The following CTDSPL variants were observed in gnomAD, a reference collection of about 807,000 sequenced individuals.
The protein encoded by CTDSPL is CTD small phosphatase-like protein.
In CTDSPL, 8 loss-of-function variants were observed where a neutral mutation model predicts 30.5. That is an observed-to-expected ratio of 0.26 (90% CI 0.15 to 0.47). The LOEUF is 0.47. Among genes scored for constraint, CTDSPL ranks in the 20% least tolerant of loss-of-function variants. CTDSPL has a pLI of 0.99. For missense variants in CTDSPL, 248 were observed against 366.1 expected (o/e 0.68, Z 2.63); for synonymous variants, 110 against 137.9 (o/e 0.80, Z 1.42).
chr3:37,886,439 C>T (rs1307446499), intron 1 of CTDSPL, among the ~76,000 whole-genome samples: 2 of 152,142 alleles, frequency 1.3e-5, no homozygotes, highest in African/African-American at 2.4e-5. Flanking sequence ...AGGTCCCATA[C>T]CCTACTTTAG....
chr3:37,900,500 T>C (rs1698436819), intron 1 of CTDSPL, among the ~76,000 whole-genome samples: 1 of 152,186 alleles, frequency 6.6e-6, no homozygotes, highest in Non-Finnish European at 1.5e-5. Flanking sequence ...GTGTGACAGG[T>C]TGTGATATTG....
intron 1 of CTDSPL, among the ~76,000 whole-genome samples, chr3:37,931,563 T>G (rs1388888258): frequency 1.3e-5 from 2 of 152,192 alleles, no homozygotes; most frequent in Non-Finnish European, 2.9e-5. Flanking sequence ...TTTCTATTTA[T>G]CTTACAGTTC....
At chr3:37,927,260 A>G (rs1698791018) in intron 1 of CTDSPL, among the ~76,000 whole-genome samples, 1 of 152,234 alleles carries the variant, frequency 6.6e-6, no homozygotes, top group African/African-American at 2.4e-5. Context: ...AGGTGCTCAA[A>G]GATGGTGGGT....
At chr3:37,902,694 C>T (rs759029083) in intron 1 of CTDSPL, among the ~76,000 whole-genome samples, 2 of 152,122 alleles carry the variant, frequency 1.3e-5, no homozygotes, top group Non-Finnish European at 2.9e-5. Flanking sequence ...TCAAACCCCC[C>T]ACAAGGAGGC....
chr3:37,862,301 G>A lies in CTDSPL; in HGVS notation c.79+23G>A, dbSNP rs1468604503. 2.0e-6 allele frequency: 3 copies of A among 1,475,234 alleles called. No homozygotes were observed. Among genetic ancestry groups the A allele is most frequent in the Non-Finnish European group, 2.7e-6 (3 of 1,115,470 alleles). The allele number at this position is 1,475,234 out of a possible 1,614,324, so 91.4% of individuals were successfully genotyped here. On this transcript the variant is annotated intron_variant, in intron 1 of 7. Transcript: ENST00000273179. The surrounding 1 kb of genome is among the most constrained non-coding windows in gnomAD (Gnocchi z 4.3). ...AAGGTGAGGAGGGGCGCAGGCGGCC[G>A]CGGGCTGGGGGCGAGCGCACACCCC...
intron 1 of CTDSPL, among the ~76,000 whole-genome samples, chr3:37,906,587 G>C (rs1339268549): frequency 1.3e-5 from 2 of 152,148 alleles, no homozygotes; most frequent in African/African-American, 4.8e-5. Context: ...TCCCTGAATG[G>C]TTCCCCAAGG....
chr3:37,911,824 CA>C, intron 1 of CTDSPL: 1 of 422,294 alleles, frequency 2.4e-6, no homozygotes, highest in Non-Finnish European at 4.9e-6. Flanking sequence ...TTTGGGAGGC[CA>C]AGGTGGGTGG....
intron 1 of CTDSPL, among the ~76,000 whole-genome samples, chr3:37,864,944 C>A (rs1164156086): frequency 6.6e-6 from 1 of 152,018 alleles, no homozygotes; most frequent in Non-Finnish European, 1.5e-5. Context: ...CCTGAGGGTT[C>A]AAAGAGATGA....
intron 1 of CTDSPL, among the ~76,000 whole-genome samples, chr3:37,885,644 A>G (rs1011997982): frequency 1.3e-5 from 2 of 152,140 alleles, no homozygotes; most frequent in African/African-American, 4.8e-5. Context: ...TTGCAGTACC[A>G]GAGACTGGCA....
intron 1 of CTDSPL, among the ~76,000 whole-genome samples, chr3:37,876,452 T>G (rs1344002714): frequency 6.6e-6 from 1 of 152,224 alleles, no homozygotes; most frequent in African/African-American, 2.4e-5. Context: ...ATACTTCTAG[T>G]TGATGTGCAT....
At chr3:37,899,389 T>C (rs1698423855) in intron 1 of CTDSPL, among the ~76,000 whole-genome samples, 1 of 152,142 alleles carries the variant, frequency 6.6e-6, no homozygotes, top group Non-Finnish European at 1.5e-5. Flanking sequence ...CATGCTGCAG[T>C]CTGTAGCACA....
At chr3:37,879,281 C>G (rs568829468) in intron 1 of CTDSPL, among the ~76,000 whole-genome samples, 2 of 152,160 alleles carry the variant, frequency 1.3e-5, no homozygotes, top group Non-Finnish European at 2.9e-5. Context: ...GGCCAGAGTC[C>G]CAGAGTTGGC....
At chr3:37,911,621 GT>G in intron 1 of CTDSPL, 1 of 452,948 alleles carries the variant, frequency 2.2e-6, no homozygotes, top group Non-Finnish European at 4.5e-6. Flanking sequence ...AGGGATTTTT[GT>G]TGGAGAAAAA....
At position 37,868,645 on chromosome 3, in the gene CTDSPL, T is replaced by G. The variant is rs1390900050; in HGVS notation, c.79+6367T>G. 2.0e-5 allele frequency among the ~76,000 whole-genome samples: 3 copies of G among 152,112 alleles called. No homozygotes were observed. The East Asian group carries it at 5.8e-4, about 29-fold the overall frequency. ...AGTGTCTGGTTGCTTCAGCTACATT[T>G]GTTGAAAAAGTTATCTGTCCTTCCT... On this transcript the variant is annotated intron_variant, in intron 1 of 7. Coordinates refer to ENST00000273179, the MANE Select transcript of CTDSPL (RefSeq NM_001008392.2).
chr3:37,928,302 C>T (rs1698808733), intron 1 of CTDSPL, among the ~76,000 whole-genome samples: 1 of 152,192 alleles, frequency 6.6e-6, no homozygotes, highest in Non-Finnish European at 1.5e-5. Context: ...GCAGAAACTC[C>T]ATACTGTTTT....
chr3:37,976,317 G>A (rs1243100483), intron 7 of CTDSPL, among the ~76,000 whole-genome samples: 2 of 152,128 alleles, frequency 1.3e-5, no homozygotes, highest in Non-Finnish European at 2.9e-5. Context: ...AGGAGGCCTG[G>A]TTGATCTCTT....
intron 1 of CTDSPL, among the ~76,000 whole-genome samples, chr3:37,882,243 C>T (rs1044049434): frequency 3.3e-5 from 5 of 151,954 alleles, no homozygotes; most frequent in African/African-American, 1.2e-4. Flanking sequence ...GAGATCGAGA[C>T]CATCCTGGCT....
At chr3:37,935,727 G>T (rs1171937968) in intron 1 of CTDSPL, among the ~76,000 whole-genome samples, 1 of 152,172 alleles carries the variant, frequency 6.6e-6, no homozygotes, top group Non-Finnish European at 1.5e-5. Context: ...GTTTGTTCTG[G>T]AGTAGTTTTC....
intron 1 of CTDSPL, among the ~76,000 whole-genome samples, chr3:37,881,795 G>A (rs1698208174): frequency 1.3e-5 from 2 of 152,174 alleles, no homozygotes; most frequent in Admixed American, 6.5e-5. Context: ...TTTACGCATG[G>A]TGAATAACAA....
Sources: gnomAD v4.1 joint callset for allele counts (sites outside exome capture counted in the v4.1 genomes callset) on GRCh38, gnomAD v4.1.1 for gene constraint, Gnocchi (gnomAD v3.1) non-coding constraint, MANE v1.5 for transcripts, NCBI Gene and HGNC (gene_info 2026-07-23, HGNC 2026-07-21) for gene names.